POLN: variants seen among roughly 807,000 people sequenced by gnomAD.
POLN encodes DNA polymerase N.
Under a neutral mutation model 113.5 loss-of-function variants are expected in POLN, and 108 were observed. That is an observed-to-expected ratio of 0.95 (90% CI 0.81 to 1.12). The LOEUF is 1.12. POLN is among the 50% of genes most tolerant of loss of function. The pLI is 0.00. For synonymous variants in POLN, 386 were observed against 391.5 expected (o/e 0.99, Z 0.17); for missense variants, 1,097 against 1,077.1 (o/e 1.02, Z -0.26).
At chr4:2,099,375 G>A (rs768479905) in intron 19 of POLN, among the ~76,000 whole-genome samples, 1 of 152,192 alleles carries the variant, frequency 6.6e-6, no homozygotes, top group Non-Finnish European at 1.5e-5. Context: ...GCAAGTCCCT[G>A]ATTCAGTGTG....
chr4:2,178,976 C>G (rs527725769), intron 8 of POLN, among the ~76,000 whole-genome samples: 1 of 152,288 alleles, frequency 6.6e-6, no homozygotes, highest in African/African-American at 2.4e-5. Flanking sequence ...CCCAGGACCT[C>G]TGGCACTGTG....
intron 21 of POLN, among the ~76,000 whole-genome samples, chr4:2,082,198 C>T (rs373587741): frequency 6.6e-6 from 1 of 152,092 alleles, no homozygotes; most frequent in South Asian, 2.1e-4. Flanking sequence ...TCAGGTGATC[C>T]ACCCGCCTTG....
chr4:2,137,705 T>A (rs1375667289), intron 16 of POLN, among the ~76,000 whole-genome samples: 1 of 152,124 alleles, frequency 6.6e-6, no homozygotes, highest in Non-Finnish European at 1.5e-5. Context: ...AGGCTGGCAA[T>A]CGTCCCCCCA....
chr4:2,171,166 A>G lies in POLN; in HGVS notation c.1390T>C (p.Leu464=), dbSNP rs1732850962. 1.2e-6 allele frequency: 2 copies of G among 1,613,438 alleles called. No individual in the cohort carries two copies. The highest frequency in any genetic ancestry group is 1.1e-5 in the South Asian group (1 of 90,852). ...GCAACAAAATGAGCTTCTTGCTCCA[A>G]TTCCTTGAGACGAGCCTGAAAATAT... ...SALLGARLKE[L]EQEAHFVAGE... is the part of the protein sequence containing the mutation. The change falls in exon 12 of 26, where the codon TTG becomes CTG. Residue 464 remains leucine (L), a synonymous_variant. Coordinates refer to ENST00000511885, the MANE Select transcript of POLN (RefSeq NM_181808.4).
Position 2,140,988 on chromosome 4 carries a change from A to G in POLN, c.1732-9698T>C, listed in dbSNP as rs181759252. 2.6e-5 allele frequency: 4 copies of G among 152,392 alleles called. No individual in the cohort carries two copies. The East Asian group carries it at 7.7e-4, about 29-fold the overall frequency. 9.4% of individuals were successfully genotyped at this position (152,392 alleles called of 1,614,324 possible). A position where few individuals can be genotyped will look rare whatever the true frequency, so the allele number is the denominator to read the frequency against. Reference sequence around the variant, plus strand: ...TGTGAAGCTGCATGAGGCGCTCTGCATCCCCACTGGAGAGAAACCCAGCAA... The same window carrying G: ...TGTGAAGCTGCATGAGGCGCTCTGCGTCCCCACTGGAGAGAAACCCAGCAA... On this transcript the variant is annotated intron_variant, in intron 16 of 25. Transcript: ENST00000511885.
At chr4:2,223,367 T>A (rs938168189) in intron 3 of POLN, among the ~76,000 whole-genome samples, 16 of 152,158 alleles carry the variant, frequency 1.1e-4, no homozygotes, top group African/African-American at 3.9e-4. Flanking sequence ...TCCTGTCAGA[T>A]AGGCAGCAGC....
intron 16 of POLN, among the ~76,000 whole-genome samples, chr4:2,142,870 G>T (rs530728834): frequency 7.4e-6 from 1 of 134,330 alleles, no homozygotes; most frequent in East Asian, 2.2e-4. Context: ...ACCCAGCCAA[G>T]ATTTTTTTGG....
Position 2,208,190 on chromosome 4 carries a change from G to C in POLN, c.511C>G (p.Gln171Glu). The C allele has an allele frequency of 6.2e-7, 1 of 1,610,284 alleles. No individual in the cohort carries two copies. Among genetic ancestry groups the C allele is most frequent in the African/African-American group, 1.3e-5 (1 of 74,904 alleles). Residue 171 changes from glutamine to glutamate, a missense_variant, in exon 5 of 26, where the codon CAA becomes GAA. Coordinates refer to ENST00000511885, the MANE Select transcript of POLN (RefSeq NM_181808.4). ...TCAGTATCTTCTTCCAATGCCATTTGTTTACTTGTTTTCTCTGACAAATTA... is the reference window on the plus strand; with the variant it reads ...TCAGTATCTTCTTCCAATGCCATTTCTTTACTTGTTTTCTCTGACAAATTA... Reference protein sequence around the residue: ...YNNLSEKTSKQMALEEDTDDA... With the variant: ...YNNLSEKTSKEMALEEDTDDA...
chr4:2,125,050 T>G (rs1446444346), intron 19 of POLN, among the ~76,000 whole-genome samples: 1 of 152,222 alleles, frequency 6.6e-6, no homozygotes, highest in African/African-American at 2.4e-5. Context: ...AGGGCAATCC[T>G]AAAGCAGGTT....
At chr4:2,208,715 C>T (rs1272635594) in intron 4 of POLN, among the ~76,000 whole-genome samples, 5 of 152,116 alleles carry the variant, frequency 3.3e-5, no homozygotes, top group South Asian at 2.1e-4. Flanking sequence ...ACCAGCCAGG[C>T]GTGGTGGCTC....
At chr4:2,145,858 T>C (rs985525336) in intron 16 of POLN, among the ~76,000 whole-genome samples, 2 of 152,180 alleles carry the variant, frequency 1.3e-5, no homozygotes, top group South Asian at 2.1e-4. Flanking sequence ...TCTTGCAGCA[T>C]TGTTTTTAAT....
At position 2,127,101 on chromosome 4, in the gene POLN, AG is replaced by A. The variant is rs529485809; in HGVS notation, c.1982+1011del. On this transcript the variant is annotated intron_variant, in intron 19 of 25. Coordinates refer to ENST00000511885, the MANE Select transcript of POLN (RefSeq NM_181808.4). The surrounding 1 kb of genome is among the most constrained non-coding windows in gnomAD (Gnocchi z 4.7). Reference sequence around the variant, plus strand: ...TCTGTGTGACATCGTGAGGGTGAACAGGTGGCAGGAGATGAGCTGGGACGGA... The same window carrying A: ...TCTGTGTGACATCGTGAGGGTGAACAGTGGCAGGAGATGAGCTGGGACGGA... Among the ~76,000 whole-genome samples the A allele has an allele frequency of 2.7e-3, 370 of 137,270 alleles. 3 individuals are homozygous for A. The highest frequency in any genetic ancestry group is 9.5e-3 in the African/African-American group (354 of 37,090). 90.1% of individuals were successfully genotyped at this position (137,270 alleles called of 152,430 possible).
chr4:2,084,845 C>T (rs1188057216), intron 21 of POLN, among the ~76,000 whole-genome samples: 1 of 152,234 alleles, frequency 6.6e-6, no homozygotes, highest in East Asian at 1.9e-4. Flanking sequence ...GCCTGTCATT[C>T]ATCCTCCTCT....
At chr4:2,094,455 C>G (rs1314229101) in intron 20 of POLN, among the ~76,000 whole-genome samples, 1 of 152,154 alleles carries the variant, frequency 6.6e-6, no homozygotes, top group Non-Finnish European at 1.5e-5. Context: ...AGCCAACACC[C>G]TGACTGCAGC....
intron 19 of POLN, among the ~76,000 whole-genome samples, chr4:2,115,227 T>TATATAC (rs1256688280): frequency 3.9e-4 from 29 of 74,740 alleles, no homozygotes; most frequent in Non-Finnish European, 7.6e-4. Flanking sequence ...TATATATATA[T>TATATAC]ATTTTTTTTT....
At chr4:2,218,150 G>A (rs1175440695) in intron 3 of POLN, among the ~76,000 whole-genome samples, 1 of 151,970 alleles carries the variant, frequency 6.6e-6, no homozygotes, top group Non-Finnish European at 1.5e-5. Context: ...AAAAAAAGGT[G>A]GCCAGGCGTG....
intron 13 of POLN, among the ~76,000 whole-genome samples, chr4:2,167,698 A>G (rs1212935384): frequency 1.3e-5 from 2 of 152,174 alleles, no homozygotes; most frequent in Non-Finnish European, 2.9e-5. Context: ...CAGGAGTTTG[A>G]GACCAGCCTG....
chr4:2,187,623 A>G, intron 7 of POLN, among the ~76,000 whole-genome samples: 1 of 152,298 alleles, frequency 6.6e-6, no homozygotes, highest in East Asian at 1.9e-4. Flanking sequence ...AAACTACCCT[A>G]TAATCACCCA....
At position 2,081,158 on chromosome 4, in the gene POLN, T is replaced by C. The variant is rs748141462; in HGVS notation, c.2309-122A>G. On this transcript the variant is annotated intron_variant, in intron 22 of 25. Coordinates refer to ENST00000511885, the MANE Select transcript of POLN (RefSeq NM_181808.4). ...ACACAGAGGTGCTGGCTCTGAGCTG[T>C]CTGAGTGCCAGGGCCACAGATGACT... 6 of 1,598,056 alleles carry C rather than the reference T, an allele frequency of 3.8e-6. No individual in the cohort carries two copies. In the East Asian group the frequency reaches 6.7e-5, roughly 18 times the overall value.
Sources: allele counts gnomAD v4.1 joint callset (sites outside exome capture counted in the v4.1 genomes callset), GRCh38; gene constraint gnomAD v4.1.1; non-coding constraint Gnocchi (gnomAD v3.1); transcripts MANE v1.5; gene names NCBI Gene and HGNC (gene_info 2026-07-23, HGNC 2026-07-21).